The following TRIM35 variants were observed in gnomAD, a reference collection of about 807,000 sequenced individuals.
TRIM35 encodes tripartite motif containing 35.
A neutral mutation model predicts 49.1 loss-of-function variants in TRIM35; 37 were observed. The observed-to-expected ratio is 0.75, with a 90% CI of 0.58 to 0.99. The LOEUF (loss-of-function observed/expected upper bound fraction) is 0.99, where lower values mean the gene tolerates loss of function less well. Ranked by LOEUF, TRIM35 falls within the 50% of genes least tolerant of loss-of-function variation. The pLI is 0.00. For missense variants in TRIM35, 648 were observed against 702.7 expected (o/e 0.92, Z 0.88); for synonymous variants, 302 against 289.3 (o/e 1.04, Z -0.45).
chr8:27,304,609 G>A (rs1298816931), intron 1 of TRIM35, among the ~76,000 whole-genome samples: 1 of 152,206 alleles, frequency 6.6e-6, no homozygotes, highest in Non-Finnish European at 1.5e-5. Flanking sequence ...GTGGTGCTCG[G>A]TACACTTCTG....
rs774146159 is a variant in TRIM35 at position 27,288,007 on chromosome 8, G to A, written c.1025C>T (p.Ala342Val). 12 of 1,613,460 alleles carry A rather than the reference G, an allele frequency of 7.4e-6. No homozygotes were observed. The highest frequency in any genetic ancestry group is 1.1e-5 in the South Asian group (1 of 91,082). Residue 342 changes from alanine to valine, a missense_variant, in exon 6 of 6, where the codon GCG (alanine) becomes GTG (valine). By Grantham distance (64) the Ala-to-Val change is moderately conservative. Coordinates refer to ENST00000305364, the MANE Select transcript of TRIM35 (RefSeq NM_171982.5). ...GACACGGGAGCCCAGCAGGCAGGGC[G>A]CCGAGGAGAAGCGTTCCGGGTTCTC... ...QVENPERFSSAPCLLGSRVFS... is the reference protein window; with the variant it reads ...QVENPERFSSVPCLLGSRVFS...
At chr8:27,300,231 G>T (rs1251386791) in intron 1 of TRIM35, among the ~76,000 whole-genome samples, 4 of 152,196 alleles carry the variant, frequency 2.6e-5, no homozygotes, top group African/African-American at 9.7e-5. Flanking sequence ...CCCTAGCTGA[G>T]CCTTCAGATG....
chr8:27,301,849 G>T (rs1802688705), intron 1 of TRIM35, among the ~76,000 whole-genome samples: 2 of 152,076 alleles, frequency 1.3e-5, no homozygotes. Context: ...TTCACATTTA[G>T]GTCTGATGTG....
chr8:27,293,921 T>C, intron 3 of TRIM35, 159 bp downstream of exon 3: 1 of 645,118 alleles, frequency 1.6e-6, no homozygotes, highest in Non-Finnish European at 2.6e-6. Flanking sequence ...GTCTTTTTAG[T>C]TTCATGACAC....
chr8:27,292,273 T>C (rs1407429961), intron 3 of TRIM35, among the ~76,000 whole-genome samples: 1 of 152,358 alleles, frequency 6.6e-6, no homozygotes, highest in Admixed American at 6.5e-5. Context: ...TGTACAGGTT[T>C]GTAGCCTAGG....
In TRIM35 at chr8:27,311,104, G is replaced by A. The variant is rs1802941095; in HGVS notation, c.132C>T (p.Cys44=). 2.5e-6 allele frequency: 4 copies of A among 1,598,088 alleles called. No individual in the cohort carries two copies. Among genetic ancestry groups the A allele is most frequent in the Non-Finnish European group, 3.4e-6 (4 of 1,173,638 alleles). ...CCTGCACCTCCCAGCAGCGGCTCAC[G>A]CACCCGCGGCAGAAGTTGTGGCCGC... is the stretch of plus-strand genomic sequence containing the variant. The part of the protein sequence containing the change: ...LRCGHNFCRG[C]VSRCWEVQVS... Residue 44 remains cysteine (C), a synonymous_variant, in exon 1 of 6, where the codon TGC becomes TGT. Transcript: ENST00000305364.
chr8:27,310,746 G>T, intron 1 of TRIM35, 55 bp downstream of exon 1: 1 of 1,520,228 alleles, frequency 6.6e-7, no homozygotes, highest in Middle Eastern at 2.2e-4. Flanking sequence ...GCAGAGCCAA[G>T]GGATTCCGGG....
At position 27,294,122 on chromosome 8, in the gene TRIM35, C is replaced by T; in HGVS notation, c.720G>A (p.Arg240=). Residue 240 remains arginine (R), a synonymous_variant, in exon 3 of 6, where the codon CGG becomes CGA. Transcript: ENST00000305364. ...CGTCCTCCTTCATCTCCATCTGCAG[C>T]CGCTCGATCTCATGTGCCAGCACCT... ...ETEVLAHEIE[R]LQMEMKEDDV... is the part of the protein sequence containing the mutation. 6.2e-7 allele frequency: 1 copy of T among 1,614,216 alleles called. No individual in the cohort carries two copies. The highest frequency in any genetic ancestry group is 8.5e-7 in the Non-Finnish European group (1 of 1,180,044).
intron 2 of TRIM35, among the ~76,000 whole-genome samples, chr8:27,298,015 C>T (rs138451469): frequency 0.013 from 1,937 of 152,216 alleles, 15 homozygotes; most frequent in Non-Finnish European, 0.021. Context: ...AGGCCCTAGG[C>T]AGGAGGCCCA....
At position 27,298,504 on chromosome 8, in the gene TRIM35, G is replaced by A. The variant is rs781373343; in HGVS notation, c.491C>T (p.Ala164Val). The change falls in exon 2 of 6, where the codon GCC (alanine) becomes GTC (valine). Residue 164 changes from alanine to valine, a missense_variant. Ala to Val is a moderately conservative substitution (Grantham distance 64). Coordinates refer to ENST00000305364, the MANE Select transcript of TRIM35 (RefSeq NM_171982.5). ...ALREKAKAFWAMRRSYEAIAK... is the reference protein window; with the variant it reads ...ALREKAKAFWVMRRSYEAIAK... ...GATGGCCTCATAGGAGCGCCGCATG[G>A]CCCAGAAGGCCTTGGCCTTCTCCCG... 3 of 1,614,110 alleles carry A rather than the reference G, an allele frequency of 1.9e-6. No individual in the cohort carries two copies. Among genetic ancestry groups the A allele is most frequent in the Non-Finnish European group, 2.5e-6 (3 of 1,180,034 alleles).
In TRIM35 at chr8:27,284,936, C is replaced by T. The variant is rs1450365440; in HGVS notation, c.*2614G>A. ...AAAGGACATCATCAAGGAAATGAAA[C>T]AGCTCACGGAGAAAAATTTTATAAT... On this transcript the variant is annotated 3_prime_UTR_variant, in exon 6 of 6. Coordinates refer to ENST00000305364, the MANE Select transcript of TRIM35 (RefSeq NM_171982.5). 6.6e-6 allele frequency: 1 copy of T among 152,098 alleles called. No homozygotes were observed. Among genetic ancestry groups the T allele is most frequent in the African/African-American group, 2.4e-5 (1 of 41,422 alleles). 9.4% of individuals were successfully genotyped at this position (152,098 alleles called of 1,614,324 possible).
intron 2 of TRIM35, among the ~76,000 whole-genome samples, chr8:27,295,488 T>A (rs1481681009): frequency 6.6e-6 from 1 of 152,138 alleles, no homozygotes; most frequent in Non-Finnish European, 1.5e-5. Flanking sequence ...GAAAAATAGT[T>A]AAGTCAAAGC....
intron 5 of TRIM35, among the ~76,000 whole-genome samples, chr8:27,288,504 G>A (rs1445920257): frequency 6.6e-6 from 1 of 152,166 alleles, no homozygotes; most frequent in Non-Finnish European, 1.5e-5. Flanking sequence ...TGCTGAGGGG[G>A]AGCCAATAAG....
At chr8:27,309,418 G>A (rs1052292842) in intron 1 of TRIM35, among the ~76,000 whole-genome samples, 22 of 152,170 alleles carry the variant, frequency 1.4e-4, no homozygotes, top group African/African-American at 3.1e-4. Context: ...TGAGACATGC[G>A]TACTGACAGC....
intron 3 of TRIM35, among the ~76,000 whole-genome samples, chr8:27,292,270 G>T (rs1169193440): frequency 2.6e-5 from 4 of 152,182 alleles, no homozygotes; most frequent in Non-Finnish European, 5.9e-5. Flanking sequence ...TGCTGTACAG[G>T]TTTGTAGCCT....
At chr8:27,306,168 C>T (rs772359777) in intron 1 of TRIM35, among the ~76,000 whole-genome samples, 1 of 152,106 alleles carries the variant, frequency 6.6e-6, no homozygotes, top group Non-Finnish European at 1.5e-5. Flanking sequence ...CATTCCATCA[C>T]AATAGAATGA....
intron 1 of TRIM35, among the ~76,000 whole-genome samples, chr8:27,300,626 C>T (rs1180654025): frequency 1.3e-5 from 2 of 152,232 alleles, no homozygotes; most frequent in Non-Finnish European, 1.5e-5. Flanking sequence ...TCTTTCACTA[C>T]AGAAAACAAA....
At chr8:27,300,646 G>A (rs1802663959) in intron 1 of TRIM35, among the ~76,000 whole-genome samples, 1 of 152,292 alleles carries the variant, frequency 6.6e-6, no homozygotes, top group South Asian at 2.1e-4. Flanking sequence ...AATGGTTACT[G>A]ATTTCATTTT....
At chr8:27,290,450 G>A (rs1163210165) in intron 3 of TRIM35, among the ~76,000 whole-genome samples, 3 of 152,166 alleles carry the variant, frequency 2.0e-5, no homozygotes, top group East Asian at 1.9e-4. Context: ...GATTAATACC[G>A]TTATTGTGAA....
Sources: allele counts gnomAD v4.1 joint callset (sites outside exome capture counted in the v4.1 genomes callset), GRCh38; gene constraint gnomAD v4.1.1; transcripts MANE v1.5; gene names NCBI Gene and HGNC (gene_info 2026-07-23, HGNC 2026-07-21).